The following NRXN1 variants were observed in gnomAD, a reference collection of about 807,000 sequenced individuals.
The protein encoded by NRXN1 is neurexin-1.
NRXN1 carries 39 observed loss-of-function variants against 150.9 expected under a neutral mutation model. The ratio of observed to expected loss-of-function variants is 0.26; its 90% confidence interval spans 0.20 to 0.34. The LOEUF (loss-of-function observed/expected upper bound fraction) is 0.34, where lower values mean the gene tolerates loss of function less well. Ranked by LOEUF, NRXN1 falls within the 10% of genes least tolerant of loss-of-function variation. The probability of loss-of-function intolerance (pLI) is 1.00; values close to 1 mark genes in which losing one functional copy is unlikely to be tolerated. For missense variants in NRXN1, 1,815 were observed against 1,949.9 expected (o/e 0.93, Z 1.30); for synonymous variants, 924 against 757.0 (o/e 1.22, Z -3.62).
At position 49,919,745 on chromosome 2, in the gene NRXN1, A is replaced by G. The variant is rs1285149169; in HGVS notation, c.*2199T>C. On this transcript the variant is annotated 3_prime_UTR_variant, in exon 23 of 23. Coordinates refer to ENST00000401669, the MANE Select transcript of NRXN1 (RefSeq NM_001330078.2). ...AATGGATATTAAATTTTCATTTTATACCTTCTACTTTCTGGGTCATAAAAA... is the reference window on the plus strand; with the variant it reads ...AATGGATATTAAATTTTCATTTTATGCCTTCTACTTTCTGGGTCATAAAAA... 6.6e-6 allele frequency: 1 copy of G among 152,152 alleles called. No individual in the cohort carries two copies. The highest frequency in any genetic ancestry group is 1.9e-4 in the East Asian group (1 of 5,202). The allele number at this position is 152,152 out of a possible 1,614,324, so 9.4% of individuals were successfully genotyped here.
At chr2:50,253,586 A>G (rs891461975) in intron 17 of NRXN1, among the ~76,000 whole-genome samples, 1 of 152,170 alleles carries the variant, frequency 6.6e-6, no homozygotes, top group Non-Finnish European at 1.5e-5. Context: ...GATATGTTAC[A>G]TTAACACCTA....
chr2:50,143,315 C>A (rs912086889), intron 18 of NRXN1, among the ~76,000 whole-genome samples: 1 of 151,700 alleles, frequency 6.6e-6, no homozygotes, highest in South Asian at 2.1e-4. Flanking sequence ...GGGTACAGCT[C>A]GAAAACTAAT....
intron 5 of NRXN1, among the ~76,000 whole-genome samples, chr2:50,916,209 GT>G (rs1685193450): frequency 1.3e-5 from 2 of 150,326 alleles, no homozygotes; most frequent in Admixed American, 6.7e-5. Flanking sequence ...AGTTATTTTG[GT>G]TCAAAATTGT....
intron 5 of NRXN1, among the ~76,000 whole-genome samples, chr2:50,867,109 T>C (rs948698740): frequency 6.6e-6 from 1 of 151,958 alleles, no homozygotes; most frequent in African/African-American, 2.4e-5. Flanking sequence ...TGTTGAACTT[T>C]CTTAGGACAT....
intron 17 of NRXN1, among the ~76,000 whole-genome samples, chr2:50,390,283 C>T (rs949782972): frequency 6.6e-6 from 1 of 152,052 alleles, no homozygotes; most frequent in African/African-American, 2.4e-5. Context: ...TTAAGTTTTC[C>T]TAACTTCTCC....
intron 5 of NRXN1, among the ~76,000 whole-genome samples, chr2:50,791,938 G>T (rs957752694): frequency 8.6e-5 from 13 of 151,996 alleles, no homozygotes; most frequent in African/African-American, 1.2e-4. Flanking sequence ...ATTCTACATG[G>T]GCTTAAAGTA....
intron 21 of NRXN1, among the ~76,000 whole-genome samples, chr2:50,002,050 C>T (rs987712844): frequency 1.3e-5 from 2 of 151,896 alleles, no homozygotes; most frequent in Non-Finnish European, 2.9e-5. Flanking sequence ...GTTTTATCAA[C>T]AACCATGCAA....
chr2:50,593,248 T>A (rs1393722410), intron 8 of NRXN1, among the ~76,000 whole-genome samples: 2 of 152,178 alleles, frequency 1.3e-5, no homozygotes, highest in Non-Finnish European at 2.9e-5. Context: ...CAAGAATATG[T>A]TTGGAGCATA....
chr2:50,077,216 C>T (rs762157360), intron 19 of NRXN1, among the ~76,000 whole-genome samples: 5 of 152,080 alleles, frequency 3.3e-5, no homozygotes, highest in African/African-American at 4.8e-5. Context: ...CTTATTGTTT[C>T]GGATACTAGC....
intron 18 of NRXN1, among the ~76,000 whole-genome samples, chr2:50,186,391 A>C (rs572983425): frequency 0.057 from 8,715 of 152,170 alleles, 291 homozygotes; most frequent in Middle Eastern, 0.11. Flanking sequence ...CTTAAAAAGT[A>C]CTTGGATGAA....
At chr2:49,947,357 C>T (rs1451183552) in intron 21 of NRXN1, among the ~76,000 whole-genome samples, 6 of 151,974 alleles carry the variant, frequency 3.9e-5, no homozygotes, top group Non-Finnish European at 5.9e-5. Context: ...CTTTTCCTTC[C>T]TCCACCTGGA....
intron 18 of NRXN1, among the ~76,000 whole-genome samples, chr2:50,212,675 T>C (rs1350252876): frequency 6.6e-6 from 1 of 151,824 alleles, no homozygotes; most frequent in African/African-American, 2.4e-5. Flanking sequence ...GGAGGAGCAT[T>C]CTTAGGAAAC....
At chr2:50,172,395 T>C (rs1014614044) in intron 18 of NRXN1, among the ~76,000 whole-genome samples, 5 of 152,116 alleles carry the variant, frequency 3.3e-5, no homozygotes, top group African/African-American at 1.2e-4. Flanking sequence ...ACTCTCTAGC[T>C]TGATGTTCTT....
At chr2:50,392,367 G>C (rs2081773107) in intron 17 of NRXN1, among the ~76,000 whole-genome samples, 1 of 152,024 alleles carries the variant, frequency 6.6e-6, no homozygotes, top group Non-Finnish European at 1.5e-5. Context: ...TATCACTACA[G>C]GATGCATTTT....
At chr2:50,450,486 C>G (rs926341233) in intron 17 of NRXN1, among the ~76,000 whole-genome samples, 1 of 151,738 alleles carries the variant, frequency 6.6e-6, no homozygotes, top group African/African-American at 2.4e-5. Context: ...AATAATTTCC[C>G]CAACTAAAAT....
chr2:50,072,839 A>G (rs967366849), intron 19 of NRXN1, among the ~76,000 whole-genome samples: 56 of 152,326 alleles, frequency 3.7e-4, no homozygotes, highest in Non-Finnish European at 2.1e-4. Context: ...GGATGACGGC[A>G]TCAGCTGGTC....
intron 21 of NRXN1, among the ~76,000 whole-genome samples, chr2:49,960,948 G>A (rs891097663): frequency 6.6e-6 from 1 of 151,896 alleles, no homozygotes; most frequent in African/African-American, 2.4e-5. Context: ...TATTGGGTAC[G>A]GGAAATAATT....
intron 5 of NRXN1, among the ~76,000 whole-genome samples, chr2:50,686,779 C>T (rs2104842673): frequency 6.6e-6 from 1 of 152,264 alleles, no homozygotes; most frequent in Admixed American, 6.5e-5. Context: ...CAAAGACTTT[C>T]TCTCTAGATG....
chr2:50,379,342 G>T (rs1006314360), intron 17 of NRXN1, among the ~76,000 whole-genome samples: 1 of 151,974 alleles, frequency 6.6e-6, no homozygotes, highest in African/African-American at 2.4e-5. Context: ...AGAAAGGCTG[G>T]AAAAAAAGGG....
Sources: allele counts gnomAD v4.1 joint callset (sites outside exome capture counted in the v4.1 genomes callset), GRCh38; gene constraint gnomAD v4.1.1; transcripts MANE v1.5; gene names NCBI Gene and HGNC (gene_info 2026-07-23, HGNC 2026-07-21).